The following SENP7 variants were observed in gnomAD, a reference collection of about 807,000 sequenced individuals.
The protein encoded by SENP7 is SUMO specific peptidase 7, also known as sentrin-specific protease 7.
SENP7 carries 64 observed loss-of-function variants against 141.2 expected under a neutral mutation model. That is an observed-to-expected ratio of 0.45 (90% CI 0.37 to 0.56). The LOEUF (loss-of-function observed/expected upper bound fraction) is 0.56, where lower values mean the gene tolerates loss of function less well. Among genes scored for constraint, SENP7 ranks in the 20% least tolerant of loss-of-function variants. The probability of loss-of-function intolerance (pLI) is 0.00; values close to 1 mark genes in which losing one functional copy is unlikely to be tolerated. For missense variants in SENP7, 1,025 were observed against 1,212.2 expected, an observed-to-expected ratio of 0.85 and a Z score of 2.29; for synonymous variants, 382 against 426.4, an observed-to-expected ratio of 0.90 and a Z score of 1.28.
chr3:101,356,201 T>C (rs986306598), intron 11 of SENP7, among the ~76,000 whole-genome samples: 1 of 152,328 alleles, frequency 6.6e-6, no homozygotes, highest in East Asian at 1.9e-4. Flanking sequence ...CGTTACTTAA[T>C]GTAAGTTAAC....
At chr3:101,418,683 C>CA (rs11401206) in intron 4 of SENP7, among the ~76,000 whole-genome samples, 60,622 of 145,824 alleles carry the variant, frequency 0.42, 12,597 homozygotes, top group Admixed American at 0.55. Flanking sequence ...CGGGAACTCT[C>CA]AAAAAAAAAA....
chr3:101,351,682 G>A (rs928737985), intron 11 of SENP7, 31 bp from the exon 12 acceptor site: 2 of 1,307,446 alleles, frequency 1.5e-6, no homozygotes, highest in Non-Finnish European at 2.0e-6. Context: ...CAAACAATGA[G>A]TTACCACTCA....
At position 101,332,863 on chromosome 3, in the gene SENP7, C is replaced by T. The variant is rs745870374; in HGVS notation, c.2481-1G>A. 6.3e-7 allele frequency: 1 copy of T among 1,575,788 alleles called. No individual in the cohort carries two copies. The highest frequency in any genetic ancestry group is 1.2e-5 in the South Asian group (1 of 81,658). ...TCTTTTATGTCTTCTCTGTGCCATTCTGAGAGTATGAAAGACAGATTTGAT... is the reference window on the plus strand; with the variant it reads ...TCTTTTATGTCTTCTCTGTGCCATTTTGAGAGTATGAAAGACAGATTTGAT... On this transcript the variant is annotated splice_acceptor_variant, in intron 17 of 23. Transcript: ENST00000394095. LOFTEE classifies it high-confidence loss of function.
intron 6 of SENP7, among the ~76,000 whole-genome samples, chr3:101,383,257 T>C (rs1436551653): frequency 6.6e-6 from 1 of 152,158 alleles, no homozygotes; most frequent in African/African-American, 2.4e-5. Flanking sequence ...GCTTTCACCA[T>C]GTGATGTGCC....
chr3:101,361,007 C>A (rs150165360), intron 11 of SENP7, among the ~76,000 whole-genome samples: 1 of 151,994 alleles, frequency 6.6e-6, no homozygotes, highest in Non-Finnish European at 1.5e-5. Context: ...AGTTCAAGAC[C>A]GGCTTGGCGA....
chr3:101,375,661 G>A (rs2060308042), intron 6 of SENP7, among the ~76,000 whole-genome samples: 1 of 150,698 alleles, frequency 6.6e-6, no homozygotes, highest in Admixed American at 6.6e-5. Flanking sequence ...ACAGATTCTT[G>A]TACTCCACTG....
intron 3 of SENP7, among the ~76,000 whole-genome samples, chr3:101,488,095 G>C (rs1449393043): frequency 6.6e-6 from 1 of 152,090 alleles, no homozygotes; most frequent in African/African-American, 2.4e-5. Flanking sequence ...CCACGCGCAT[G>C]GATTGTTTTT....
At chr3:101,446,345 C>T (rs779316898) in intron 4 of SENP7, among the ~76,000 whole-genome samples, 6 of 152,176 alleles carry the variant, frequency 3.9e-5, no homozygotes, top group Non-Finnish European at 8.8e-5. Flanking sequence ...GACTAATACA[C>T]TCTCTTTGAA....
intron 3 of SENP7, among the ~76,000 whole-genome samples, chr3:101,463,372 T>A (rs199907304): frequency 0.073 from 6,105 of 83,908 alleles, 184 homozygotes; most frequent in Middle Eastern, 0.1. Context: ...TAAATATATA[T>A]ATATATATAT....
chr3:101,443,047 T>C (rs1413774956), intron 4 of SENP7, among the ~76,000 whole-genome samples: 2 of 152,242 alleles, frequency 1.3e-5, no homozygotes, highest in Non-Finnish European at 2.9e-5. Flanking sequence ...TGAATGGTAA[T>C]GCCGAGGTTT....
At chr3:101,389,518 A>G (rs907184790) in intron 6 of SENP7, among the ~76,000 whole-genome samples, 2 of 152,184 alleles carry the variant, frequency 1.3e-5, no homozygotes, top group Non-Finnish European at 2.9e-5. Context: ...CTAAAAGAAA[A>G]AAAAAACTGC....
rs746650479 is a variant in SENP7, at chr3:101,366,787, G to GA, written c.979-19dup. On this transcript the variant is annotated intron_variant, in intron 8 of 23. Coordinates refer to ENST00000394095, the MANE Select transcript of SENP7 (RefSeq NM_020654.5). Reference sequence around the variant, plus strand: ...TGTTTTTTCTAAACATAAACACATAGAAAAAAATAGCATTTTTCAAATTTG... The same window carrying GA: ...TGTTTTTTCTAAACATAAACACATAGAAAAAAAATAGCATTTTTCAAATTTG... 1.2e-5 allele frequency: 18 copies of GA among 1,489,702 alleles called. No individual in the cohort carries two copies. Among genetic ancestry groups the GA allele is most frequent in the South Asian group, 2.7e-5 (2 of 75,098 alleles). 92.3% of individuals were successfully genotyped at this position (1,489,702 alleles called of 1,614,324 possible).
Position 101,399,018 on chromosome 3 carries a change from C to T in SENP7, c.520G>A (p.Glu174Lys). 1.2e-6 allele frequency: 2 copies of T among 1,613,126 alleles called. No individual in the cohort carries two copies. The highest frequency in any genetic ancestry group is 2.7e-5 in the African/African-American group (2 of 74,978). ...RVILTNVLGT[E>K]LGRKYIRTPP... ...GTCCTTATGTATTTTCTTCCTAACT[C>T]CGTTCCCAGGACATTCGTCAATATA... The change falls in exon 6 of 24, where the codon GAG (glutamate) becomes AAG (lysine). Residue 174 changes from glutamate to lysine, a missense_variant. Physicochemically the swap from Glu to Lys is moderately conservative, Grantham distance 56. Transcript: ENST00000394095.
intron 5 of SENP7, among the ~76,000 whole-genome samples, chr3:101,410,845 A>AAAATAAAATAAAATAAAAT (rs2061436085): frequency 7.9e-6 from 1 of 126,176 alleles, no homozygotes; most frequent in Admixed American, 8.5e-5. Flanking sequence ...ATTCTGTCTC[A>AAAATAAAATAAAATAAAAT]AAAATAAAAT....
chr3:101,332,703 TA>T, intron 18 of SENP7, 66 bp downstream of exon 18: 1 of 1,103,518 alleles, frequency 9.1e-7, no homozygotes, highest in Non-Finnish European at 1.2e-6. Flanking sequence ...ATTATGAATC[TA>T]AAAACACTAC....
intron 11 of SENP7, among the ~76,000 whole-genome samples, chr3:101,359,911 ATAAT>A (rs925944989): frequency 2.6e-5 from 4 of 151,896 alleles, no homozygotes; most frequent in African/African-American, 9.6e-5. Flanking sequence ...GTGTAATAAT[ATAAT>A]TAATATATTA....
chr3:101,380,394 TAGAA>T (rs1005209259), intron 6 of SENP7, among the ~76,000 whole-genome samples: 5 of 145,864 alleles, frequency 3.4e-5, no homozygotes, highest in Admixed American at 1.4e-4. Flanking sequence ...TATTTAAAAA[TAGAA>T]AGAGTCTAAA....
chr3:101,331,927 G>A, intron 19 of SENP7, 58 bp downstream of exon 19: 4 of 1,555,002 alleles, frequency 2.6e-6, no homozygotes, highest in Non-Finnish European at 3.5e-6. Context: ...TTTCTTCCCT[G>A]TAACCATTAA....
chr3:101,442,845 A>G (rs556473128), intron 4 of SENP7, among the ~76,000 whole-genome samples: 1 of 147,806 alleles, frequency 6.8e-6, no homozygotes, highest in South Asian at 2.2e-4. Flanking sequence ...AACCAGTCAG[A>G]CAAAAAAAAA....
Sources: allele counts gnomAD v4.1 joint callset (sites outside exome capture counted in the v4.1 genomes callset), GRCh38; gene constraint gnomAD v4.1.1; transcripts MANE v1.5; gene names NCBI Gene and HGNC (gene_info 2026-07-23, HGNC 2026-07-21).